The following GRIK2 variants were observed in gnomAD, a reference collection of about 807,000 sequenced individuals.
GRIK2 encodes glutamate receptor ionotropic, kainate 2.
In GRIK2, 32 loss-of-function variants were observed where a neutral mutation model predicts 100.3. That is an observed-to-expected ratio of 0.32 (90% CI 0.24 to 0.43). GRIK2 has a LOEUF of 0.43. Ranked by LOEUF, GRIK2 falls within the 20% of genes least tolerant of loss-of-function variation. The pLI is 1.00. For synonymous variants in GRIK2, 417 were observed against 389.4 expected, an observed-to-expected ratio of 1.07 and a Z score of -0.83; for missense variants, 843 against 1,114.9, an observed-to-expected ratio of 0.76 and a Z score of 3.47.
chr6:101,843,984 T>A (rs2128436249), intron 10 of GRIK2, among the ~76,000 whole-genome samples: 1 of 152,256 alleles, frequency 6.6e-6, no homozygotes, highest in African/African-American at 2.4e-5. Context: ...TTCATCTTTA[T>A]GACATAGAAC....
At chr6:101,502,215 G>A (rs1057154624) in intron 2 of GRIK2, among the ~76,000 whole-genome samples, 1 of 152,100 alleles carries the variant, frequency 6.6e-6, no homozygotes, top group African/African-American at 2.4e-5. Flanking sequence ...TATCTATGAA[G>A]CAATTTGGTA....
intron 9 of GRIK2, among the ~76,000 whole-genome samples, chr6:101,802,944 T>G (rs149279633): frequency 1.3e-5 from 2 of 151,974 alleles, no homozygotes; most frequent in East Asian, 3.9e-4. Context: ...CTATCTTACT[T>G]GATTTTATTG....
intron 12 of GRIK2, among the ~76,000 whole-genome samples, chr6:101,897,133 C>T (rs1347096292): frequency 2.6e-5 from 4 of 151,624 alleles, no homozygotes; most frequent in African/African-American, 4.8e-5. Context: ...TTGGCAGTTA[C>T]TAATGTGTCT....
At chr6:101,892,299 A>G (rs1460968840) in intron 12 of GRIK2, among the ~76,000 whole-genome samples, 1 of 152,190 alleles carries the variant, frequency 6.6e-6, no homozygotes, top group African/African-American at 2.4e-5. Context: ...CAAAGCAAAT[A>G]CTGAAACATC....
chr6:101,718,672 C>CT (rs1321401426), intron 7 of GRIK2, among the ~76,000 whole-genome samples: 1 of 151,832 alleles, frequency 6.6e-6, no homozygotes, highest in African/African-American at 2.4e-5. Context: ...AAGGATTCTA[C>CT]TTTTTTGTAA....
chr6:101,663,899 C>A (rs1411175743), intron 4 of GRIK2, among the ~76,000 whole-genome samples: 1 of 152,174 alleles, frequency 6.6e-6, no homozygotes, highest in East Asian at 1.9e-4. Flanking sequence ...CTACTCCCAC[C>A]AAATCACACC....
intron 7 of GRIK2, among the ~76,000 whole-genome samples, chr6:101,717,833 C>T (rs1203301664): frequency 6.6e-6 from 1 of 151,618 alleles, no homozygotes; most frequent in Non-Finnish European, 1.5e-5. Context: ...ATGAATTTAA[C>T]AAAATGTCTG....
chr6:101,530,995 A>G (rs374508947), intron 2 of GRIK2, among the ~76,000 whole-genome samples: 1 of 152,016 alleles, frequency 6.6e-6, no homozygotes, highest in African/African-American at 2.4e-5. Context: ...AGAGAATCGG[A>G]ATGTGAGATC....
At chr6:101,795,575 C>A (rs954413467) in intron 7 of GRIK2, among the ~76,000 whole-genome samples, 2 of 152,132 alleles carry the variant, frequency 1.3e-5, no homozygotes, top group Non-Finnish European at 2.9e-5. Context: ...AATTCCTGGG[C>A]CCCTAAGCAG....
chr6:101,915,566 G>T (rs865884655), intron 12 of GRIK2, among the ~76,000 whole-genome samples: 1 of 106,668 alleles, frequency 9.4e-6, no homozygotes, highest in Admixed American at 9.8e-5. Flanking sequence ...TTATTTCTTA[G>T]ACTTGTAATA....
At chr6:101,584,789 G>A (rs558941144) in intron 2 of GRIK2, among the ~76,000 whole-genome samples, 3 of 151,878 alleles carry the variant, frequency 2.0e-5, no homozygotes, top group East Asian at 1.9e-4. Context: ...TGAGGCATTC[G>A]CAACTAGCTA....
chr6:101,793,239 TGTTGCTG>T (rs1780023726), intron 7 of GRIK2, among the ~76,000 whole-genome samples: 1 of 152,244 alleles, frequency 6.6e-6, no homozygotes, highest in Non-Finnish European at 1.5e-5. Context: ...AGCTTTGTTC[TGTTGCTG>T]GTGAGGAACT....
At chr6:101,515,092 T>C (rs1302731667) in intron 2 of GRIK2, among the ~76,000 whole-genome samples, 1 of 152,098 alleles carries the variant, frequency 6.6e-6, no homozygotes, top group Non-Finnish European at 1.5e-5. Flanking sequence ...TGTATCATTG[T>C]TATGCCTTTG....
chr6:101,938,203 C>A (rs1400047292), intron 14 of GRIK2, among the ~76,000 whole-genome samples: 1 of 151,872 alleles, frequency 6.6e-6, no homozygotes, highest in Non-Finnish European at 1.5e-5. Flanking sequence ...ATATTAGACT[C>A]TTATTTAAAG....
intron 4 of GRIK2, among the ~76,000 whole-genome samples, chr6:101,654,107 T>C (rs1781946211): frequency 6.6e-6 from 1 of 152,080 alleles, no homozygotes; most frequent in Non-Finnish European, 1.5e-5. Context: ...CTAATAAATA[T>C]TTGCTGAAAA....
At chr6:101,465,823 C>G (rs2128253937) in intron 2 of GRIK2, among the ~76,000 whole-genome samples, 1 of 152,274 alleles carries the variant, frequency 6.6e-6, no homozygotes, top group Non-Finnish European at 1.5e-5. Flanking sequence ...CCAGTCAGGT[C>G]AAGTACTTAG....
intron 7 of GRIK2, among the ~76,000 whole-genome samples, chr6:101,783,442 G>A (rs2128403031): frequency 6.6e-6 from 1 of 152,166 alleles, no homozygotes; most frequent in South Asian, 2.1e-4. Flanking sequence ...AATCTCTTTT[G>A]TTTCTAAATT....
intron 7 of GRIK2, among the ~76,000 whole-genome samples, chr6:101,775,561 T>C (rs535436542): frequency 1.8e-4 from 27 of 149,974 alleles, no homozygotes; most frequent in African/African-American, 4.9e-4. Flanking sequence ...GATATATATA[T>C]ACACACACAC....
intron 2 of GRIK2, among the ~76,000 whole-genome samples, chr6:101,444,334 A>G (rs1033688182): frequency 1.3e-5 from 2 of 152,068 alleles, no homozygotes; most frequent in African/African-American, 2.4e-5. Context: ...TCATATAGCT[A>G]TTACTTTAAT....
Sources: allele counts gnomAD v4.1 joint callset (sites outside exome capture counted in the v4.1 genomes callset), GRCh38; gene constraint gnomAD v4.1.1; transcripts MANE v1.5; gene names NCBI Gene and HGNC (gene_info 2026-07-23, HGNC 2026-07-21).